The following OR9Q1 variants were observed in gnomAD, a reference collection of about 807,000 sequenced individuals.
OR9Q1 encodes the protein olfactory receptor 9Q1.
For synonymous variants in OR9Q1, 153 were observed against 148.6 expected (o/e 1.03, Z -0.22); for missense variants, 374 against 378.8 (o/e 0.99, Z 0.11).
At chr11:58,164,998 C>T (rs1275411407) in intron 2 of OR9Q1, among the ~76,000 whole-genome samples, 1 of 152,170 alleles carries the variant, frequency 6.6e-6, no homozygotes, top group Non-Finnish European at 1.5e-5. Context: ...TCTGATAACC[C>T]TATTGAAAAT....
intron 2 of OR9Q1, among the ~76,000 whole-genome samples, chr11:58,116,301 C>A (rs1468418381): frequency 2.6e-5 from 4 of 152,188 alleles, no homozygotes; most frequent in African/African-American, 9.6e-5. Flanking sequence ...GCTATTACAA[C>A]AATGCTTCAT....
intron 1 of OR9Q1, among the ~76,000 whole-genome samples, chr11:58,043,530 A>T (rs978657054): frequency 6.6e-6 from 1 of 152,184 alleles, no homozygotes; most frequent in Non-Finnish European, 1.5e-5. Context: ...GTCCTCTATG[A>T]TCTGACCACC....
At chr11:58,179,153 G>C (rs1854635299) in intron 2 of OR9Q1, among the ~76,000 whole-genome samples, 1 of 151,326 alleles carries the variant, frequency 6.6e-6, no homozygotes, top group Non-Finnish European at 1.5e-5. Context: ...CTCCCGAGTA[G>C]CTGGGATTAC....
At chr11:58,053,650 T>TATATATATTATATATATATAA (rs1422481898) in intron 1 of OR9Q1, among the ~76,000 whole-genome samples, 1 of 144,736 alleles carries the variant, frequency 6.9e-6, no homozygotes, top group East Asian at 2.0e-4. Context: ...ATATAAATTA[T>TATATATATTATATATATATAA]ATATATATAA....
chr11:58,094,590 A>T (rs1459286505), intron 2 of OR9Q1, among the ~76,000 whole-genome samples: 2 of 152,202 alleles, frequency 1.3e-5, no homozygotes, highest in Admixed American at 6.5e-5. Flanking sequence ...TGCAAAAATC[A>T]AATTATTGGA....
At chr11:58,042,541 G>T (rs3133867) in intron 1 of OR9Q1, among the ~76,000 whole-genome samples, 141,776 of 150,284 alleles carry the variant, frequency 0.94, 66,970 homozygotes, top group South Asian at 0.97. Flanking sequence ...CTGTTTTGGT[G>T]ACTGTAGCCT....
intron 2 of OR9Q1, among the ~76,000 whole-genome samples, chr11:58,060,568 T>G (rs1040529782): frequency 9.2e-5 from 14 of 152,112 alleles, no homozygotes; most frequent in African/African-American, 3.4e-4. Context: ...GGTGCCCATA[T>G]GATGTATTAA....
intron 2 of OR9Q1, among the ~76,000 whole-genome samples, chr11:58,128,496 T>C (rs1472671550): frequency 6.6e-6 from 1 of 152,154 alleles, no homozygotes; most frequent in African/African-American, 2.4e-5. Context: ...GATAATGAAA[T>C]GACTGGTTAC....
rs1037041110 is a variant in OR9Q1 at position 58,101,149 on chromosome 11, TAAAC to T, written c.-15+45204_-15+45207del. ...ATATATTTATATTTTTATGAATAAA[TAAAC>T]ATATATATAGTATTTATATATAAGA... On this transcript the variant is annotated intron_variant, in intron 2 of 2. Transcript: ENST00000335397. Among the ~76,000 whole-genome samples, 3 of 151,866 alleles carry T rather than the reference TAAAC, an allele frequency of 2.0e-5. No homozygotes were observed. The East Asian group carries it at 5.8e-4, about 29-fold the overall frequency.
intron 1 of OR9Q1, among the ~76,000 whole-genome samples, chr11:58,048,296 A>G (rs1853239693): frequency 2.0e-5 from 3 of 152,138 alleles, no homozygotes; most frequent in Admixed American, 2.0e-4. Context: ...TTTGCGAATT[A>G]CCCTGATTTG....
intron 1 of OR9Q1, among the ~76,000 whole-genome samples, chr11:58,028,794 G>C (rs1177777520): frequency 6.6e-6 from 1 of 152,252 alleles, no homozygotes; most frequent in Admixed American, 6.5e-5. Context: ...GCATGGCGAA[G>C]ACGCACGCAG....
chr11:58,147,510 T>C (rs1854310071), intron 2 of OR9Q1, among the ~76,000 whole-genome samples: 1 of 152,162 alleles, frequency 6.6e-6, no homozygotes, highest in Admixed American at 6.6e-5. Flanking sequence ...CAGTGGGGGT[T>C]TGCTATTTTT....
Position 58,181,287 on chromosome 11 carries a change from C to A in OR9Q1, c.*910C>A, listed in dbSNP as rs960281039. The A allele has an allele frequency of 6.0e-6, 1 of 167,046 alleles. No homozygotes were observed. Among genetic ancestry groups the A allele is most frequent in the Non-Finnish European group, 1.5e-5 (1 of 68,136 alleles). The allele number at this position is 167,046 out of a possible 1,614,324, so 10.3% of individuals were successfully genotyped here. On this transcript the variant is annotated 3_prime_UTR_variant, in exon 3 of 3. Transcript: ENST00000335397. ...ACTCTCTGTGTTCTGAAAGCTTTTT[C>A]CTTCAGGGAGGCAGAACATTGCTGC...
In OR9Q1 at chr11:58,180,389, C is replaced by T; in HGVS notation, c.*12C>T. 2 of 1,534,684 alleles carry T rather than the reference C, an allele frequency of 1.3e-6. No individual in the cohort carries two copies. Among genetic ancestry groups the T allele is most frequent in the Admixed American group, 2.0e-5 (1 of 50,678 alleles). Reference sequence around the variant, plus strand: ...CCAAGTTGTCCTAACCATCTCCAAACTTGGAAAATCCCGAGAACCACCTAC... The same window carrying T: ...CCAAGTTGTCCTAACCATCTCCAAATTTGGAAAATCCCGAGAACCACCTAC... On this transcript the variant is annotated 3_prime_UTR_variant, in exon 3 of 3. Coordinates refer to ENST00000335397, the MANE Select transcript of OR9Q1 (RefSeq NM_001005212.4).
chr11:58,116,190 G>A (rs1853952595), intron 2 of OR9Q1, among the ~76,000 whole-genome samples: 1 of 152,094 alleles, frequency 6.6e-6, no homozygotes, highest in African/African-American at 2.4e-5. Flanking sequence ...TCATCTTTAA[G>A]GTCAACTTAT....
At chr11:58,126,707 T>A (rs1854093618) in intron 2 of OR9Q1, among the ~76,000 whole-genome samples, 1 of 152,158 alleles carries the variant, frequency 6.6e-6, no homozygotes, top group South Asian at 2.1e-4. Context: ...AATAACTGTG[T>A]GGTAAGAGTA....
intron 2 of OR9Q1, among the ~76,000 whole-genome samples, chr11:58,083,053 A>G (rs542805164): frequency 6.6e-4 from 99 of 150,866 alleles, no homozygotes; most frequent in African/African-American, 2.3e-3. Flanking sequence ...TTTTGTTGCC[A>G]TTGCTTTTGG....
chr11:58,109,530 C>T (rs768135484), intron 2 of OR9Q1: 1 of 458,338 alleles, frequency 2.2e-6, no homozygotes, highest in South Asian at 1.5e-5. Context: ...GAATGATCAT[C>T]CCCCCATTCC....
At chr11:58,104,094 C>A (rs1462471536) in intron 2 of OR9Q1, among the ~76,000 whole-genome samples, 1 of 152,078 alleles carries the variant, frequency 6.6e-6, no homozygotes, top group African/African-American at 2.4e-5. Context: ...AAGCCAAACT[C>A]AATTAATCAG....
Sources: gnomAD v4.1 joint callset for allele counts (sites outside exome capture counted in the v4.1 genomes callset) on GRCh38, gnomAD v4.1.1 for gene constraint, MANE v1.5 for transcripts, NCBI Gene and HGNC (gene_info 2026-07-23, HGNC 2026-07-21) for gene names.